GNL2: variants seen among roughly 807,000 people sequenced by gnomAD.
GNL2 encodes the protein nucleolar GTP-binding protein 2.
Under a neutral mutation model 92.3 loss-of-function variants are expected in GNL2, and 51 were observed. That is an observed-to-expected ratio of 0.55 (90% CI 0.44 to 0.70). The LOEUF is 0.70. Among genes scored for constraint, GNL2 ranks in the 30% least tolerant of loss-of-function variants. The probability of loss-of-function intolerance (pLI) is 0.00; values close to 1 mark genes in which losing one functional copy is unlikely to be tolerated. For synonymous variants in GNL2, 283 were observed against 300.6 expected (o/e 0.94, Z 0.61); for missense variants, 844 against 895.6 (o/e 0.94, Z 0.74).
rs142364682 is a variant in GNL2, at chr1:37,584,062, A to G, written c.570-129T>C. On this transcript the variant is annotated intron_variant, in intron 5 of 15. Transcript: ENST00000373062. ...TTGGAGATGGACCAGAAACAAACTG[A>G]ATTTAAAAAGTGTGCCCAAATGTCT... 58 of 664,664 alleles carry G rather than the reference A, an allele frequency of 8.7e-5. 1 individual carries two copies. The East Asian group carries it at 1.5e-3, about 17-fold the overall frequency. 41.2% of individuals were successfully genotyped at this position (664,664 alleles called of 1,614,324 possible).
intron 13 of GNL2, 114 bp from the exon 14 acceptor site, chr1:37,568,471 T>G (rs1643542679): frequency 1.9e-5 from 13 of 674,716 alleles, no homozygotes; most frequent in Non-Finnish European, 3.5e-5. Flanking sequence ...ATCCAAGTAG[T>G]TATCACCAGT....
rs558211610 is a variant in GNL2, at chr1:37,566,941, C to T, written c.2110G>A (p.Val704Met). 2.0e-5 allele frequency: 33 copies of T among 1,613,986 alleles called. No individual in the cohort carries two copies. The highest frequency in any genetic ancestry group is 1.1e-4 in the South Asian group (10 of 91,072). The change falls in exon 16 of 16, where the codon GTG (valine) becomes ATG (methionine). Residue 704 changes from valine to methionine, a missense_variant. By Grantham distance (21) the Val-to-Met change is conservative. Coordinates refer to ENST00000373062, the MANE Select transcript of GNL2 (RefSeq NM_013285.3). ...TTTTTGTTCCTGTTCCTATTTTTCA[C>T]GTTGTGTGTTTCATAGTAGCGCACA... ...VGVRYYETHN[V>M]KNRNRNKKKT...
At chr1:37,591,125 C>T (rs757102891) in intron 3 of GNL2, among the ~76,000 whole-genome samples, 4 of 152,158 alleles carry the variant, frequency 2.6e-5, no homozygotes, top group Non-Finnish European at 5.9e-5. Flanking sequence ...AAATAAATAG[C>T]GTGGAATGGA....
At chr1:37,588,454 C>A (rs888729456) in intron 4 of GNL2, among the ~76,000 whole-genome samples, 1 of 152,166 alleles carries the variant, frequency 6.6e-6, no homozygotes, top group Non-Finnish European at 1.5e-5. Flanking sequence ...TAACCCACAA[C>A]TCAGTTTAGT....
chr1:37,572,068 T>C (rs1327332028), intron 12 of GNL2, among the ~76,000 whole-genome samples: 2 of 152,106 alleles, frequency 1.3e-5, no homozygotes, highest in Non-Finnish European at 2.9e-5. Context: ...CTAGCATGGC[T>C]CCTGTCTCAT....
chr1:37,576,101 T>G, intron 9 of GNL2: 1 of 318,138 alleles, frequency 3.1e-6, no homozygotes, highest in Non-Finnish European at 5.8e-6. Context: ...TACCTTAAGT[T>G]TGAGGCTTCT....
At chr1:37,582,709 TA>T in intron 7 of GNL2, 68 bp downstream of exon 7, 1 of 1,269,368 alleles carries the variant, frequency 7.9e-7, no homozygotes, top group Non-Finnish European at 1.1e-6. Context: ...CACTTTAGCC[TA>T]AAAGCCCTAC....
At position 37,592,803 on chromosome 1, in the gene GNL2, G is replaced by C; in HGVS notation, c.153C>G (p.Asn51Lys). 1 of 1,576,798 alleles carries C rather than the reference G, an allele frequency of 6.3e-7. No homozygotes were observed. Among genetic ancestry groups the C allele is most frequent in the Non-Finnish European group, 8.7e-7 (1 of 1,146,368 alleles). Reference sequence around the variant, plus strand: ...GGGGTTTAATTATTTTACCACGACTGTTCCTAAATTGAGGAAAGAACAGAT... The same window carrying C: ...GGGGTTTAATTATTTTACCACGACTCTTCCTAAATTGAGGAAAGAACAGAT... Reference protein sequence around the residue: ...LNMYRQKERRNSRGKIIKPLQ... With the variant: ...LNMYRQKERRKSRGKIIKPLQ... The change falls in exon 3 of 16, where the codon AAC becomes AAG. Residue 51 changes from asparagine (N) to lysine (K), a missense_variant. Transcript: ENST00000373062.
intron 8 of GNL2, among the ~76,000 whole-genome samples, chr1:37,578,242 C>G (rs151064701): frequency 0.016 from 2,394 of 152,086 alleles, 66 homozygotes; most frequent in African/African-American, 0.054. Flanking sequence ...AGTTTGAGAC[C>G]AGCTTGGCCA....
At chr1:37,572,637 C>T (rs1015871008) in intron 12 of GNL2, among the ~76,000 whole-genome samples, 1 of 152,166 alleles carries the variant, frequency 6.6e-6, no homozygotes, top group Non-Finnish European at 1.5e-5. Flanking sequence ...TCCCCCATAC[C>T]TTACCCTGTG....
chr1:37,592,701 A>C lies in GNL2; in HGVS notation c.244+11T>G. 7.0e-7 allele frequency: 1 copy of C among 1,435,412 alleles called. No individual in the cohort carries two copies. 88.9% of individuals were successfully genotyped at this position (1,435,412 alleles called of 1,614,324 possible). On this transcript the variant is annotated intron_variant, in intron 3 of 15. Transcript: ENST00000373062. ...ATTTTGTAGAGCAAAGTAACAGGGG[A>C]TAATACTCACCAAACCATTTAATAT...
Position 37,574,366 on chromosome 1 carries a change from C to T in GNL2, c.1393G>A (p.Ala465Thr). The T allele has an allele frequency of 6.2e-7, 1 of 1,613,926 alleles. No individual in the cohort carries two copies. The highest frequency in any genetic ancestry group is 8.5e-7 in the Non-Finnish European group (1 of 1,179,872). Residue 465 changes from alanine (A) to threonine (T), a missense_variant, in exon 12 of 16, where the codon GCA becomes ACA. Transcript: ENST00000373062. The part of the protein sequence containing the change: ...RIPFFVKPPN[A>T]EPLVAPQLLP... ...ACCTGGGGGGCCACAAGTGGCTCTGCATTGGGTGGCTTGACAAAGAAAGGA... is the reference window on the plus strand; with the variant it reads ...ACCTGGGGGGCCACAAGTGGCTCTGTATTGGGTGGCTTGACAAAGAAAGGA...
chr1:37,579,244 G>A (rs1400017647), intron 8 of GNL2, among the ~76,000 whole-genome samples: 1 of 152,144 alleles, frequency 6.6e-6, no homozygotes, highest in Non-Finnish European at 1.5e-5. Context: ...CTGGGCAGCT[G>A]GATGATCAAA....
At chr1:37,593,867 C>G in intron 1 of GNL2, 21 bp from the exon 2 acceptor site, 1 of 1,571,260 alleles carries the variant, frequency 6.4e-7, no homozygotes, top group Non-Finnish European at 8.8e-7. Context: ...CAGAAGTACA[C>G]AGTGCACTAT....
chr1:37,567,812 C>G (rs779765159), intron 14 of GNL2, 48 bp from the exon 15 acceptor site: 2 of 1,434,542 alleles, frequency 1.4e-6, no homozygotes, highest in East Asian at 4.5e-5. Flanking sequence ...GAAAATTTGT[C>G]TATAAACCCA....
intron 15 of GNL2, 24 bp from the exon 16 acceptor site, chr1:37,567,031 T>G (rs749143027): frequency 6.3e-6 from 10 of 1,599,318 alleles, no homozygotes; most frequent in Non-Finnish European, 8.5e-6. Flanking sequence ...CAAGAAAAGA[T>G]GAAGAAAAAA....
intron 9 of GNL2, 24 bp downstream of exon 9, chr1:37,576,404 A>C (rs1012270431): frequency 6.2e-7 from 1 of 1,604,316 alleles, no homozygotes; most frequent in Non-Finnish European, 8.5e-7. Flanking sequence ...ATGCAAAAGT[A>C]AGGTCACCCT....
rs1183917397 is a variant in GNL2, at chr1:37,568,997, TC to T, written c.1721del (p.Arg574LysfsTer38). On this transcript the variant is annotated frameshift_variant, in exon 13 of 16. Coordinates refer to ENST00000373062, the MANE Select transcript of GNL2 (RefSeq NM_013285.3). LOFTEE classifies it high-confidence loss of function. ...DEEEEEQEQQ[R>X]DDAEESSSEP... ...CCGAGGAAGACTCTTCCGCATCATC[TC>T]TTTGTTGCTCCTGTTCCTCCTCCTC... 6.2e-7 allele frequency: 1 copy of T among 1,614,024 alleles called. No homozygotes were observed. The highest frequency in any genetic ancestry group is 1.3e-5 in the African/African-American group (1 of 74,904).
chr1:37,585,923 G>A (rs1189197755), intron 5 of GNL2, among the ~76,000 whole-genome samples: 1 of 152,104 alleles, frequency 6.6e-6, no homozygotes, highest in Non-Finnish European at 1.5e-5. Flanking sequence ...CCTTTCTCAA[G>A]AGCAATGTGG....
Sources: allele counts gnomAD v4.1 joint callset (sites outside exome capture counted in the v4.1 genomes callset), GRCh38; gene constraint gnomAD v4.1.1; transcripts MANE v1.5; gene names NCBI Gene and HGNC (gene_info 2026-07-23, HGNC 2026-07-21).